HIPK2: variants seen among roughly 807,000 people sequenced by gnomAD.
HIPK2 encodes the protein homeodomain-interacting protein kinase 2.
Under a neutral mutation model 113.7 loss-of-function variants are expected in HIPK2, and 27 were observed. The observed-to-expected ratio is 0.24, with a 90% CI of 0.17 to 0.33. The LOEUF (loss-of-function observed/expected upper bound fraction) is 0.33. Ranked by LOEUF, HIPK2 falls within the 10% of genes least tolerant of loss-of-function variation. The pLI is 1.00. For synonymous variants in HIPK2, 631 were observed against 642.2 expected (o/e 0.98, Z 0.26); for missense variants, 1,257 against 1,588.0 (o/e 0.79, Z 3.54).
chr7:139,765,740 C>A lies in HIPK2; in HGVS notation c.19+11865G>T, dbSNP rs112934004. Among the ~76,000 whole-genome samples the A allele has an allele frequency of 2.1e-3, 320 of 152,274 alleles. 2 individuals carry two copies. Among genetic ancestry groups the A allele is most frequent in the African/African-American group, 7.4e-3 (309 of 41,546 alleles). On this transcript the variant is annotated intron_variant, in intron 1 of 14. Coordinates refer to ENST00000406875, the MANE Select transcript of HIPK2 (RefSeq NM_022740.5). ...GTAATCAGCCTTCCTTTCCCCATGG[C>A]CTCACAGCACCTCCTCCATCTTCTG...
rs945311914 is a variant in HIPK2, at chr7:139,683,269, T to C, written c.1103+32663A>G. Among the ~76,000 whole-genome samples the C allele has an allele frequency of 6.6e-6, 1 of 152,186 alleles. No homozygotes were observed. The highest frequency in any genetic ancestry group is 1.5e-5 in the Non-Finnish European group (1 of 68,032). ...AGACTGCATTAGCTGCCTGTTAATG[T>C]GTAACAAGGTACCGCAAAACTTAGT... On this transcript the variant is annotated intron_variant, in intron 2 of 14. Coordinates refer to ENST00000406875, the MANE Select transcript of HIPK2 (RefSeq NM_022740.5). The surrounding 1 kb of genome is among the most constrained non-coding windows in gnomAD (Gnocchi z 4.2).
intron 1 of HIPK2, among the ~76,000 whole-genome samples, chr7:139,725,064 T>C (rs930562936): frequency 6.6e-5 from 10 of 151,948 alleles, no homozygotes; most frequent in African/African-American, 2.4e-4. Flanking sequence ...TTAAGGGTCC[T>C]CTACATAAAA....
chr7:139,600,166 T>C (rs1799369023), intron 11 of HIPK2, among the ~76,000 whole-genome samples: 1 of 152,098 alleles, frequency 6.6e-6, no homozygotes, highest in South Asian at 2.1e-4. Context: ...CCAATCTCTC[T>C]TGCCCACTGC....
At position 139,596,984 on chromosome 7, in the gene HIPK2, C is replaced by T. The variant is rs776224575; in HGVS notation, c.2450G>A (p.Cys817Tyr). The change falls in exon 12 of 15, where the codon TGT becomes TAT. Residue 817 changes from cysteine to tyrosine, a missense_variant. By Grantham distance (194) the Cys-to-Tyr change is radical. Coordinates refer to ENST00000406875, the MANE Select transcript of HIPK2 (RefSeq NM_022740.5). ...HQSSVRNVST[C>Y]EVSSSQAISS... ...GATGGCCTGAGAGGAGGACACCTCA[C>T]AGGTGGAGACATTTCTGTAATGAGA... 3.1e-6 allele frequency: 5 copies of T among 1,592,520 alleles called. No homozygotes were observed. Among genetic ancestry groups the T allele is most frequent in the Admixed American group, 3.4e-5 (2 of 59,676 alleles).
At chr7:139,701,588 G>A (rs1426388615) in intron 2 of HIPK2, among the ~76,000 whole-genome samples, 1 of 152,180 alleles carries the variant, frequency 6.6e-6, no homozygotes, top group Non-Finnish European at 1.5e-5. Flanking sequence ...AAGGGTGGCA[G>A]GCCATTCGTG....
intron 2 of HIPK2, among the ~76,000 whole-genome samples, chr7:139,705,310 T>A (rs1289057783): frequency 6.6e-6 from 1 of 152,076 alleles, no homozygotes; most frequent in African/African-American, 2.4e-5. Context: ...CATGCGGCTA[T>A]CTCATTCAGT....
At chr7:139,775,696 A>G (rs1486938524) in intron 1 of HIPK2, among the ~76,000 whole-genome samples, 1 of 152,176 alleles carries the variant, frequency 6.6e-6, no homozygotes, top group Non-Finnish European at 1.5e-5. Flanking sequence ...GTAACACCCT[A>G]CACACCTGCA....
At chr7:139,629,520 C>T (rs1213523901) in intron 4 of HIPK2, among the ~76,000 whole-genome samples, 1 of 152,142 alleles carries the variant, frequency 6.6e-6, no homozygotes, top group African/African-American at 2.4e-5. Flanking sequence ...AGTTACTATC[C>T]CCATTTTCCA....
Position 139,587,468 on chromosome 7 carries a change from G to A in HIPK2, c.2718-3404C>T, listed in dbSNP as rs191438870. Among the ~76,000 whole-genome samples, 397 of 123,882 alleles carry A rather than the reference G, an allele frequency of 3.2e-3. 2 individuals carry two copies. The highest frequency in any genetic ancestry group is 4.7e-3 in the Non-Finnish European group (297 of 63,216). 81.3% of individuals were successfully genotyped at this position (123,882 alleles called of 152,430 possible). A position where few individuals can be genotyped will look rare whatever the true frequency, so the allele number is the denominator to read the frequency against. On this transcript the variant is annotated intron_variant, in intron 12 of 14. Coordinates refer to ENST00000406875, the MANE Select transcript of HIPK2 (RefSeq NM_022740.5). Reference sequence around the variant, plus strand: ...TGCACCATTGTACTCCAGCCTGGGCGACAGAGCAAGACTGTGTCTCAAAAA... The same window carrying A: ...TGCACCATTGTACTCCAGCCTGGGCAACAGAGCAAGACTGTGTCTCAAAAA...
At chr7:139,669,926 C>T (rs1404220345) in intron 2 of HIPK2, among the ~76,000 whole-genome samples, 2 of 152,118 alleles carry the variant, frequency 1.3e-5, no homozygotes, top group Admixed American at 6.5e-5. Flanking sequence ...AATAATCAAG[C>T]TTTATTTACT....
rs879012020 is a variant in HIPK2, at chr7:139,613,497, T to A, written c.1991-174A>T. Reference sequence around the variant, plus strand: ...GTCTCCCCTTTGGCTTCTAACAAATTAAAAAACAAAACTCCTCCTGAAATC... The same window carrying A: ...GTCTCCCCTTTGGCTTCTAACAAATAAAAAAACAAAACTCCTCCTGAAATC... On this transcript the variant is annotated intron_variant, in intron 8 of 14. Transcript: ENST00000406875. The surrounding 1 kb of genome is among the most constrained non-coding windows in gnomAD (Gnocchi z 4.2). 1 of 293,950 alleles carries A rather than the reference T, an allele frequency of 3.4e-6. No homozygotes were observed. The highest frequency in any genetic ancestry group is 5.1e-6 in the Non-Finnish European group (1 of 197,770). 18.2% of individuals were successfully genotyped at this position (293,950 alleles called of 1,614,324 possible).
At chr7:139,709,664 G>A (rs976115528) in intron 2 of HIPK2, among the ~76,000 whole-genome samples, 1 of 152,200 alleles carries the variant, frequency 6.6e-6, no homozygotes, top group Admixed American at 6.5e-5. Context: ...GATCCAGATG[G>A]AGGAGTGTGG....
chr7:139,741,742 T>C (rs1364040735), intron 1 of HIPK2, among the ~76,000 whole-genome samples: 1 of 152,084 alleles, frequency 6.6e-6, no homozygotes, highest in Non-Finnish European at 1.5e-5. Flanking sequence ...GCATTCATTT[T>C]CTCAGTCACT....
chr7:139,721,344 G>A (rs528616398), intron 1 of HIPK2, among the ~76,000 whole-genome samples: 1 of 152,260 alleles, frequency 6.6e-6, no homozygotes, highest in African/African-American at 2.4e-5. Context: ...TAATCTTATG[G>A]CAACACACTT....
chr7:139,614,383 G>T lies in HIPK2; in HGVS notation c.1893C>A (p.Ala631=). The change falls in exon 8 of 15, where the codon GCC becomes GCA. Residue 631 remains alanine (A), a synonymous_variant. Transcript: ENST00000406875. ...CTGTCTGCAGGGGCATGCTCCGCTG[G>T]GCCACTGCAGCCATGGATGCCGCTG... ...QPSAASMAAV[A]QRSMPLQTGT... 1 of 1,582,306 alleles carries T rather than the reference G, an allele frequency of 6.3e-7. No homozygotes were observed. Among genetic ancestry groups the T allele is most frequent in the South Asian group, 1.1e-5 (1 of 87,516 alleles).
rs934597534 is a variant in HIPK2 at position 139,763,485 on chromosome 7, C to G, written c.19+14120G>C. On this transcript the variant is annotated intron_variant, in intron 1 of 14. Coordinates refer to ENST00000406875, the MANE Select transcript of HIPK2 (RefSeq NM_022740.5). ...TTGCCGGAACACGCCCCCCCCCCCA[C>G]ACGCCCCTCCCACCACGTGACTCGT... Among the ~76,000 whole-genome samples, 309 of 90,568 alleles carry G rather than the reference C, an allele frequency of 3.4e-3. 22 individuals carry two copies. In the East Asian group the frequency reaches 0.076, roughly 22 times the overall value. The allele number at this position is 90,568 out of a possible 152,430, so 59.4% of individuals were successfully genotyped here.
At chr7:139,722,488 A>C (rs1227428381) in intron 1 of HIPK2, among the ~76,000 whole-genome samples, 1 of 152,208 alleles carries the variant, frequency 6.6e-6, no homozygotes, top group Admixed American at 6.5e-5. Context: ...ATTTCAAAAT[A>C]CTATTTTTAA....
rs762473814 is a variant in HIPK2, at chr7:139,716,678, A to G, written c.357T>C (p.Thr119=). 2 of 1,613,920 alleles carry G rather than the reference A, an allele frequency of 1.2e-6. No individual in the cohort carries two copies. Among genetic ancestry groups the G allele is most frequent in the South Asian group, 1.1e-5 (1 of 91,072 alleles). The part of the protein sequence containing the change: ...GGPHNLMRRS[T]VSLLDTYQKC... ...TTTGGTAGGTATCAAGGAGGCTCAC[A>G]GTGCTTCGACGCATTAGGTTGTGTG... The change falls in exon 2 of 15, where the codon ACT becomes ACC. Residue 119 remains threonine, a synonymous_variant. Transcript: ENST00000406875. This position sits in a 1 kb window ranked among gnomAD's most constrained non-coding sequence, Gnocchi z 9.3.
At chr7:139,696,854 C>T (rs1186917350) in intron 2 of HIPK2, among the ~76,000 whole-genome samples, 4 of 152,126 alleles carry the variant, frequency 2.6e-5, no homozygotes, top group Admixed American at 1.3e-4. Flanking sequence ...TTCTGTGCAT[C>T]CCCACAGGCC....
Sources: gnomAD v4.1 joint callset for allele counts (sites outside exome capture counted in the v4.1 genomes callset) on GRCh38, gnomAD v4.1.1 for gene constraint, Gnocchi (gnomAD v3.1) non-coding constraint, MANE v1.5 for transcripts, NCBI Gene and HGNC (gene_info 2026-07-23, HGNC 2026-07-21) for gene names.